The following BMP5 variants were observed in gnomAD, a reference collection of about 807,000 sequenced individuals.
The protein encoded by BMP5 is bone morphogenetic protein 5.
Under a neutral mutation model 46.6 loss-of-function variants are expected in BMP5, and 23 were observed. That is an observed-to-expected ratio of 0.49 (90% confidence interval 0.35 to 0.70). BMP5 has a LOEUF of 0.70. Ranked by LOEUF, BMP5 falls within the 30% of genes least tolerant of loss-of-function variation. The pLI, the probability that BMP5 is intolerant of heterozygous loss-of-function variation, is 0.00. For missense variants in BMP5, 545 were observed against 565.6 expected (o/e 0.96, Z 0.37); for synonymous variants, 204 against 191.9 (o/e 1.06, Z -0.52).
At chr6:55,779,623 G>A (rs1456014316) in intron 3 of BMP5, among the ~76,000 whole-genome samples, 1 of 152,004 alleles carries the variant, frequency 6.6e-6, no homozygotes, top group African/African-American at 2.4e-5. Context: ...GGAATGTGAG[G>A]AAGATAGAAT....
At chr6:55,833,936 ATAT>A (rs1776722945) in intron 1 of BMP5, among the ~76,000 whole-genome samples, 1 of 152,188 alleles carries the variant, frequency 6.6e-6, no homozygotes, top group Non-Finnish European at 1.5e-5. Context: ...CAGTTATGAG[ATAT>A]TATGCAAAAA....
At position 55,779,227 on chromosome 6, in the gene BMP5, C is replaced by T. The variant is rs375384113; in HGVS notation, c.833-4984G>A. 4.6e-5 allele frequency among the ~76,000 whole-genome samples: 7 copies of T among 152,112 alleles called. No individual in the cohort carries two copies. The South Asian group carries it at 6.2e-4, about 14-fold the overall frequency. On this transcript the variant is annotated intron_variant, in intron 3 of 6. Transcript: ENST00000370830. ...ATTTGAGGATTTATCAGAGTCTAAACGTTGATATCACTTTGAGATGTTAGC... is the reference window on the plus strand; with the variant it reads ...ATTTGAGGATTTATCAGAGTCTAAATGTTGATATCACTTTGAGATGTTAGC...
At chr6:55,801,223 T>C (rs1164259522) in intron 2 of BMP5, among the ~76,000 whole-genome samples, 1 of 152,214 alleles carries the variant, frequency 6.6e-6, no homozygotes, top group Non-Finnish European at 1.5e-5. Flanking sequence ...GCAGTAGCCA[T>C]ATTTATGCTT....
At chr6:55,783,423 AC>A (rs1582061487) in intron 3 of BMP5, among the ~76,000 whole-genome samples, 1 of 151,900 alleles carries the variant, frequency 6.6e-6, no homozygotes, top group East Asian at 1.9e-4. Context: ...TAATCTTATT[AC>A]CCGCATGCCA....
chr6:55,808,356 G>A (rs185587710), intron 2 of BMP5, among the ~76,000 whole-genome samples: 698 of 152,292 alleles, frequency 4.6e-3, no homozygotes, highest in Non-Finnish European at 8.1e-3. Flanking sequence ...AGCACAGCCT[G>A]GAGCTATAGA....
Position 55,863,215 on chromosome 6 carries a change from G to A in BMP5, c.490+11161C>T, listed in dbSNP as rs190571141. 2.0e-5 allele frequency among the ~76,000 whole-genome samples: 3 copies of A among 152,156 alleles called. No homozygotes were observed. In the East Asian group the frequency reaches 5.8e-4, roughly 29 times the overall value. On this transcript the variant is annotated intron_variant, in intron 1 of 6. Transcript: ENST00000370830. ...TACTTCCTTGAGGGCTATATACTGCGGTAATTTAGATCAAACCACATAACG... is the reference window on the plus strand; with the variant it reads ...TACTTCCTTGAGGGCTATATACTGCAGTAATTTAGATCAAACCACATAACG...
At chr6:55,822,217 T>C (rs1776425408) in intron 1 of BMP5, among the ~76,000 whole-genome samples, 1 of 152,190 alleles carries the variant, frequency 6.6e-6, no homozygotes, top group South Asian at 2.1e-4. Context: ...ACTATGGCTT[T>C]GTCCTATTTT....
intron 2 of BMP5, among the ~76,000 whole-genome samples, chr6:55,804,296 C>T (rs191661462): frequency 1.2e-4 from 18 of 152,174 alleles, no homozygotes; most frequent in Admixed American, 2.0e-4. Context: ...AGGAAGAGAG[C>T]CACATGAAGA....
chr6:55,807,063 C>G (rs2127533679), intron 2 of BMP5, among the ~76,000 whole-genome samples: 1 of 152,262 alleles, frequency 6.6e-6, no homozygotes, highest in South Asian at 2.1e-4. Context: ...CCCTTTATTT[C>G]TTTCTCTTGC....
intron 4 of BMP5, chr6:55,772,835 T>A: frequency 1.0e-6 from 1 of 985,100 alleles, no homozygotes; most frequent in Non-Finnish European, 1.2e-6. Context: ...CAAATAGGAC[T>A]TCTAACGTGA....
At chr6:55,871,429 A>C (rs1260055949) in intron 1 of BMP5, among the ~76,000 whole-genome samples, 1 of 151,870 alleles carries the variant, frequency 6.6e-6, no homozygotes, top group African/African-American at 2.4e-5. Flanking sequence ...TTAATAATTT[A>C]TATTTGTTTC....
chr6:55,788,275 A>C (rs1775495747), intron 3 of BMP5, among the ~76,000 whole-genome samples: 1 of 151,682 alleles, frequency 6.6e-6, no homozygotes, highest in Non-Finnish European at 1.5e-5. Flanking sequence ...ATCTCCAAAA[A>C]TATGTTGTTT....
chr6:55,755,367 G>A lies in BMP5; in HGVS notation c.*166C>T, dbSNP rs946873108. 35 of 641,344 alleles carry A rather than the reference G, an allele frequency of 5.5e-5. No homozygotes were observed. The highest frequency in any genetic ancestry group is 1.1e-4 in the South Asian group (5 of 46,458). The allele number at this position is 641,344 out of a possible 1,614,324, so 39.7% of individuals were successfully genotyped here. A position where few individuals can be genotyped will look rare whatever the true frequency, so the allele number is the denominator to read the frequency against. ...AGCCTCCACAGAAGAGAATATATAC[G>A]TTTAAATAAATAAAAATGACTATAT... On this transcript the variant is annotated 3_prime_UTR_variant, in exon 7 of 7. Transcript: ENST00000370830.
intron 1 of BMP5, among the ~76,000 whole-genome samples, chr6:55,869,499 T>C (rs1187038380): frequency 1.3e-5 from 2 of 152,172 alleles, no homozygotes; most frequent in Admixed American, 6.6e-5. Context: ...AATTTCTTCA[T>C]GGAAGTGACA....
chr6:55,856,018 C>T (rs1777387110), intron 1 of BMP5, among the ~76,000 whole-genome samples: 2 of 152,266 alleles, frequency 1.3e-5, no homozygotes, highest in South Asian at 4.1e-4. Context: ...AGTTCCATTA[C>T]CTGTTCATGG....
At chr6:55,818,100 G>A (rs772992989) in intron 2 of BMP5, among the ~76,000 whole-genome samples, 9 of 152,108 alleles carry the variant, frequency 5.9e-5, no homozygotes, top group Non-Finnish European at 1.0e-4. Context: ...CAGGAATATC[G>A]GGAGGTGCCA....
Position 55,840,604 on chromosome 6 carries a change from T to C in BMP5, c.491-20757A>G, listed in dbSNP as rs149458602. The stretch of plus-strand genomic sequence containing the variant: ...GTGTTGCTTTGAAATATTTGTACTT[T>C]CATTTATTTAAAATACATCTTTATC... On this transcript the variant is annotated intron_variant, in intron 1 of 6. Transcript: ENST00000370830. Among the ~76,000 whole-genome samples, 716 of 152,334 alleles carry C rather than the reference T, an allele frequency of 4.7e-3. 6 individuals carry two copies. Among genetic ancestry groups the C allele is most frequent in the African/African-American group, 0.017 (693 of 41,592 alleles).
chr6:55,768,425 G>A (rs1208595142), intron 4 of BMP5, among the ~76,000 whole-genome samples: 2 of 151,806 alleles, frequency 1.3e-5, no homozygotes, highest in African/African-American at 4.8e-5. Flanking sequence ...AATTACATAA[G>A]ATATTCAAAA....
intron 1 of BMP5, among the ~76,000 whole-genome samples, chr6:55,845,241 T>A (rs1777071255): frequency 6.6e-6 from 1 of 152,092 alleles, no homozygotes; most frequent in South Asian, 2.1e-4. Context: ...GTTTCATAAC[T>A]AATCAGTTGT....
Sources: gnomAD v4.1 joint callset for allele counts (sites outside exome capture counted in the v4.1 genomes callset) on GRCh38, gnomAD v4.1.1 for gene constraint, MANE v1.5 for transcripts, NCBI Gene and HGNC (gene_info 2026-07-23, HGNC 2026-07-21) for gene names.